The following TTC28 variants were observed in gnomAD, a reference collection of about 807,000 sequenced individuals.
TTC28 encodes tetratricopeptide repeat protein 28.
In TTC28, 61 loss-of-function variants were observed where a neutral mutation model predicts 198.0. That is an observed-to-expected ratio of 0.31 (90% CI 0.25 to 0.38). TTC28 has a LOEUF of 0.38. TTC28 is among the 10% of genes least tolerant of loss of function. The pLI, the probability that TTC28 is intolerant of heterozygous loss-of-function variation, is 1.00. For missense variants in TTC28, 2,678 were observed against 3,164.0 expected (o/e 0.85, Z 3.69); for synonymous variants, 1,171 against 1,297.8 (o/e 0.90, Z 2.10).
intron 2 of TTC28, among the ~76,000 whole-genome samples, chr22:28,459,375 G>A (rs973162673): frequency 1.3e-5 from 2 of 152,026 alleles, no homozygotes; most frequent in African/African-American, 4.8e-5. Flanking sequence ...AAGTTACTGT[G>A]AGCCAAGATG....
intron 12 of TTC28, among the ~76,000 whole-genome samples, chr22:28,042,736 G>C (rs1226905086): frequency 6.7e-6 from 1 of 149,482 alleles, no homozygotes. Context: ...AAAAAAAAAA[G>C]AAAAGAGCCT....
chr22:28,123,586 C>T (rs1569151292), intron 6 of TTC28, among the ~76,000 whole-genome samples: 1 of 152,176 alleles, frequency 6.6e-6, no homozygotes, highest in Non-Finnish European at 1.5e-5. Flanking sequence ...CTCAATTCTA[C>T]CTTTATTGCA....
chr22:28,291,538 T>C (rs1233317006), intron 5 of TTC28, among the ~76,000 whole-genome samples: 1 of 152,238 alleles, frequency 6.6e-6, no homozygotes, highest in Non-Finnish European at 1.5e-5. Context: ...AAATTGACTT[T>C]TTGGTTTTAA....
chr22:28,105,484 C>G lies in TTC28; in HGVS notation c.3102G>C (p.Thr1034=). Residue 1034 remains threonine (T), a synonymous_variant, in exon 8 of 23, where the codon ACG becomes ACC. Coordinates refer to ENST00000397906, the MANE Select transcript of TTC28 (RefSeq NM_001145418.2). ...LQIAEETNNP[T]CQGRAYGNLG... ...GGTTCCCATAGGCTCGGCCCTGGCACGTGGGGTTGTTGGTTTCCTCTGCTA... is the reference window on the plus strand; with the variant it reads ...GGTTCCCATAGGCTCGGCCCTGGCAGGTGGGGTTGTTGGTTTCCTCTGCTA... 1 of 1,551,624 alleles carries G rather than the reference C, an allele frequency of 6.4e-7. No homozygotes were observed. The highest frequency in any genetic ancestry group is 8.7e-7 in the Non-Finnish European group (1 of 1,146,994).
intron 6 of TTC28, among the ~76,000 whole-genome samples, chr22:28,162,532 C>G (rs1196050713): frequency 1.3e-5 from 2 of 152,170 alleles, no homozygotes; most frequent in African/African-American, 4.8e-5. Flanking sequence ...TTGCTCTTCT[C>G]TTTCTATACA....
rs1014987545 is a variant in TTC28 at position 28,107,455 on chromosome 22, T to G, written c.2390A>C (p.His797Pro). ...CATGTAGACAGCAGCCAGGTGCCCATGAGCTCTGCACTCCCCTGGCAAGTC... is the reference window on the plus strand; with the variant it reads ...CATGTAGACAGCAGCCAGGTGCCCAGGAGCTCTGCACTCCCCTGGCAAGTC... ...LSDLPGECRA[H>P]GHLAAVYMAL... is the part of the protein sequence containing the mutation. The change falls in exon 7 of 23, where the codon CAT becomes CCT. Residue 797 changes from histidine (H) to proline (P), a missense_variant. Around this residue, in one of 8 missense-constraint regions of TTC28, gnomAD observed 775 missense variants for 845.9 expected, o/e 0.92. Coordinates refer to ENST00000397906, the MANE Select transcript of TTC28 (RefSeq NM_001145418.2). 1.4e-5 allele frequency: 21 copies of G among 1,551,592 alleles called. No homozygotes were observed. The highest frequency in any genetic ancestry group is 1.7e-5 in the Non-Finnish European group (20 of 1,147,008).
At chr22:28,530,078 A>C (rs181944905) in intron 2 of TTC28, among the ~76,000 whole-genome samples, 9 of 152,380 alleles carry the variant, frequency 5.9e-5, no homozygotes, top group African/African-American at 2.2e-4. Flanking sequence ...TGAGAGAAGA[A>C]GGCTTCAGAT....
chr22:28,638,248 A>G (rs2051307034), intron 1 of TTC28, among the ~76,000 whole-genome samples: 2 of 152,226 alleles, frequency 1.3e-5, no homozygotes, highest in Non-Finnish European at 1.5e-5. Context: ...GCAACAGAAT[A>G]TAAATTCTAT....
intron 5 of TTC28, among the ~76,000 whole-genome samples, chr22:28,201,893 C>T (rs1046668843): frequency 6.6e-6 from 1 of 151,902 alleles, no homozygotes; most frequent in Non-Finnish European, 1.5e-5. Context: ...TGTGAATAGA[C>T]ATGAGGAATA....
intron 2 of TTC28, among the ~76,000 whole-genome samples, chr22:28,428,530 A>C (rs1384267083): frequency 1.3e-5 from 2 of 152,172 alleles, no homozygotes; most frequent in East Asian, 3.8e-4. Flanking sequence ...CTTCTTGTCT[A>C]GACTGTAAGC....
At chr22:28,135,322 T>C (rs1320362334) in intron 6 of TTC28, among the ~76,000 whole-genome samples, 2 of 152,242 alleles carry the variant, frequency 1.3e-5, no homozygotes, top group Admixed American at 6.5e-5. Flanking sequence ...TGCTTATTTA[T>C]ATTATAATAG....
intron 6 of TTC28, among the ~76,000 whole-genome samples, chr22:28,149,697 T>C (rs1943560711): frequency 6.6e-6 from 1 of 152,130 alleles, no homozygotes; most frequent in Non-Finnish European, 1.5e-5. Flanking sequence ...TCATCTCCTA[T>C]GATAACAATA....
rs183175608 is a variant in TTC28, at chr22:28,245,229, G to A, written c.933+50969C>T. Among the ~76,000 whole-genome samples the A allele has an allele frequency of 1.6e-4, 24 of 152,220 alleles. No individual in the cohort carries two copies. The East Asian group carries it at 4.6e-3, about 29-fold the overall frequency. On this transcript the variant is annotated intron_variant, in intron 5 of 22. Coordinates refer to ENST00000397906, the MANE Select transcript of TTC28 (RefSeq NM_001145418.2). The stretch of plus-strand genomic sequence containing the variant: ...TTTATTTAACGGATGCATGAAAATT[G>A]AATAACTATCTTAACAGTTTCTCAT...
intron 2 of TTC28, among the ~76,000 whole-genome samples, chr22:28,392,217 T>G (rs1449097315): frequency 2.6e-5 from 4 of 152,148 alleles, no homozygotes; most frequent in Non-Finnish European, 5.9e-5. Flanking sequence ...CTCCAGCTGC[T>G]TGCTAGGAGA....
intron 5 of TTC28, among the ~76,000 whole-genome samples, chr22:28,292,235 T>C (rs757634824): frequency 5.9e-5 from 9 of 152,202 alleles, no homozygotes; most frequent in African/African-American, 9.7e-5. Flanking sequence ...TTGCCCAGAC[T>C]GGAATACAAT....
At chr22:28,565,940 T>G (rs922624810) in intron 2 of TTC28, among the ~76,000 whole-genome samples, 1 of 152,174 alleles carries the variant, frequency 6.6e-6, no homozygotes, top group African/African-American at 2.4e-5. Flanking sequence ...TTATCCCTAG[T>G]AGGTAAACAA....
intron 6 of TTC28, among the ~76,000 whole-genome samples, chr22:28,142,003 A>C (rs1351588117): frequency 1.3e-5 from 2 of 152,212 alleles, no homozygotes; most frequent in East Asian, 3.9e-4. Flanking sequence ...TTTTTCTGAA[A>C]CTGATGGAAG....
At chr22:28,092,506 A>G (rs1429004035) in intron 12 of TTC28, among the ~76,000 whole-genome samples, 1 of 152,128 alleles carries the variant, frequency 6.6e-6, no homozygotes, top group Non-Finnish European at 1.5e-5. Flanking sequence ...TCCCTTTCAT[A>G]GTGTTAGAAA....
At chr22:28,273,868 T>C (rs886687929) in intron 5 of TTC28, among the ~76,000 whole-genome samples, 1 of 152,018 alleles carries the variant, frequency 6.6e-6, no homozygotes, top group Non-Finnish European at 1.5e-5. Context: ...CTATCTTCAA[T>C]AACAACAACA....
Sources: allele counts gnomAD v4.1 joint callset (sites outside exome capture counted in the v4.1 genomes callset), GRCh38; gene constraint gnomAD v4.1.1; regional missense constraint gnomAD v4.1.1; transcripts MANE v1.5; gene names NCBI Gene and HGNC (gene_info 2026-07-23, HGNC 2026-07-21).